The following CELSR1 variants were observed in gnomAD, a reference collection of about 807,000 sequenced individuals.
The protein encoded by CELSR1 is adhesion G protein-coupled receptor C1.
A neutral mutation model predicts 249.1 loss-of-function variants in CELSR1; 110 were observed. The observed-to-expected ratio is 0.44, with a 90% CI of 0.38 to 0.52. The LOEUF (loss-of-function observed/expected upper bound fraction) is 0.52. Ranked by LOEUF, CELSR1 falls within the 20% of genes least tolerant of loss-of-function variation. The probability of loss-of-function intolerance (pLI) is 0.00; values close to 1 mark genes in which losing one functional copy is unlikely to be tolerated. For missense variants in CELSR1, 4,109 were observed against 4,296.4 expected, an observed-to-expected ratio of 0.96 and a Z score of 1.22; for synonymous variants, 2,113 against 1,900.0, an observed-to-expected ratio of 1.11 and a Z score of -2.92.
At chr22:46,378,482 T>G in intron 23 of CELSR1, 109 bp downstream of exon 23, 1 of 1,254,672 alleles carries the variant, frequency 8.0e-7, no homozygotes, top group East Asian at 2.6e-5. Context: ...GGGGGCAGGC[T>G]CAGCAGGTTT....
rs774353456 is a variant in CELSR1, at chr22:46,399,810, C to G, written c.5319G>C (p.Glu1773Asp). 1.1e-5 allele frequency: 18 copies of G among 1,614,052 alleles called. No homozygotes were observed. The highest frequency in any genetic ancestry group is 1.4e-5 in the Non-Finnish European group (17 of 1,180,020). ...TCAGCTCGATCAGCAGGTGGTGCCACTCCCCGTCGGTCACCCGCAACCCGG... is the reference window on the plus strand; with the variant it reads ...TCAGCTCGATCAGCAGGTGGTGCCAGTCCCCGTCGGTCACCCGCAACCCGG... ...MLSGLRVTDG[E>D]WHHLLIELKN... Residue 1773 changes from glutamate (E) to aspartate (D), a missense_variant, in exon 10 of 35, where the codon GAG becomes GAC. Physicochemically the swap from Glu to Asp is conservative, Grantham distance 45. This residue lies in a region of CELSR1 where 1,805 missense variants were observed against 1,831.6 expected (regional missense o/e 0.99). Coordinates refer to ENST00000674500, the MANE Select transcript of CELSR1 (RefSeq NM_001378328.1). This position sits in a 1 kb window ranked among gnomAD's most constrained non-coding sequence, Gnocchi z 5.0.
In CELSR1 at chr22:46,398,669, G is replaced by T; in HGVS notation, c.5413-32C>A. Reference sequence around the variant, plus strand: ...GGAGAGAGGGGCCGGGGATCTGGGGGCTGCATCCACCATCCTAGAAACGTC... The same window carrying T: ...GGAGAGAGGGGCCGGGGATCTGGGGTCTGCATCCACCATCCTAGAAACGTC... On this transcript the variant is annotated intron_variant, in intron 10 of 34. Coordinates refer to ENST00000674500, the MANE Select transcript of CELSR1 (RefSeq NM_001378328.1). This position sits in a 1 kb window ranked among gnomAD's most constrained non-coding sequence, Gnocchi z 7.2. 6.5e-7 allele frequency: 1 copy of T among 1,545,310 alleles called. No individual in the cohort carries two copies. Among genetic ancestry groups the T allele is most frequent in the Non-Finnish European group, 8.8e-7 (1 of 1,132,042 alleles).
intron 23 of CELSR1, among the ~76,000 whole-genome samples, chr22:46,378,261 C>G (rs1029381722): frequency 5.9e-5 from 9 of 152,344 alleles, no homozygotes; most frequent in African/African-American, 1.7e-4. Context: ...AAGTGAGGGG[C>G]AGGTTCCGAG....
intron 1 of CELSR1, among the ~76,000 whole-genome samples, chr22:46,466,997 C>A (rs186636006): frequency 6.6e-6 from 1 of 152,196 alleles, no homozygotes; most frequent in African/African-American, 2.4e-5. Context: ...CCTGGCCGTG[C>A]TGCCTCCCTG....
Position 46,437,218 on chromosome 22 carries a change from C to A in CELSR1, c.4407-929G>T, listed in dbSNP as rs1487000048. Among the ~76,000 whole-genome samples the A allele has an allele frequency of 1.3e-5, 2 of 152,190 alleles. No homozygotes were observed. The highest frequency in any genetic ancestry group is 2.9e-5 in the Non-Finnish European group (2 of 68,020). On this transcript the variant is annotated intron_variant, in intron 3 of 34. Coordinates refer to ENST00000674500, the MANE Select transcript of CELSR1 (RefSeq NM_001378328.1). This position sits in a 1 kb window ranked among gnomAD's most constrained non-coding sequence, Gnocchi z 4.9. ...CAGAAATCCTTCTCCCACCCAGGGG[C>A]CCCGGGCAGGGGGTCTTCAGACCCA...
intron 1 of CELSR1, among the ~76,000 whole-genome samples, chr22:46,495,011 T>C (rs1157615121): frequency 6.6e-6 from 1 of 152,256 alleles, no homozygotes; most frequent in Non-Finnish European, 1.5e-5. Context: ...CGTTGTTAGA[T>C]GACTTCATCG....
chr22:46,531,628 T>C (rs564359769), intron 1 of CELSR1, among the ~76,000 whole-genome samples: 1 of 152,260 alleles, frequency 6.6e-6, no homozygotes, highest in South Asian at 2.1e-4. Flanking sequence ...CTGCGGATCG[T>C]GGTTTAACGC....
rs79285847 is a variant in CELSR1 at position 46,512,775 on chromosome 22, C to T, written c.3544+20852G>A. 0.058 allele frequency among the ~76,000 whole-genome samples: 8,845 copies of T among 152,202 alleles called. 860 individuals carry two copies. Among genetic ancestry groups the T allele is most frequent in the African/African-American group, 0.2 (8,424 of 41,484 alleles). On this transcript the variant is annotated intron_variant, in intron 1 of 34. Coordinates refer to ENST00000674500, the MANE Select transcript of CELSR1 (RefSeq NM_001378328.1). The surrounding 1 kb of genome is among the most constrained non-coding windows in gnomAD (Gnocchi z 5.2). ...TAGCGGGTTTCCGTTCCCTGCCATC[C>T]AGAGGAATTATTCAGACAAGCTACC...
intron 5 of CELSR1, among the ~76,000 whole-genome samples, chr22:46,421,840 G>A (rs912583651): frequency 1.3e-5 from 2 of 152,252 alleles, no homozygotes; most frequent in African/African-American, 4.8e-5. Flanking sequence ...GCTGGGGCTG[G>A]AGAAGCCAGG....
Position 46,365,294 on chromosome 22 carries a change from C to T in CELSR1, c.8491G>A (p.Asp2831Asn), listed in dbSNP as rs767369340. 88 of 1,612,838 alleles carry T rather than the reference C, an allele frequency of 5.5e-5. No homozygotes were observed. The highest frequency in any genetic ancestry group is 8.0e-5 in the African/African-American group (6 of 74,956). Residue 2831 changes from aspartate (D) to asparagine (N), a missense_variant, in exon 32 of 35, where the codon GAT becomes AAT. Around this residue, in one of 7 missense-constraint regions of CELSR1, gnomAD observed 1,805 missense variants for 1,831.6 expected, o/e 0.99. Coordinates refer to ENST00000674500, the MANE Select transcript of CELSR1 (RefSeq NM_001378328.1). The stretch of plus-strand genomic sequence containing the variant: ...CATTTTTCCTCAGCTCCCACCCCAT[C>T]GTCCTCGCTGTCTGACGAGTGTGAG... ...ASSHSSDSED[D>N]GVGAEEKWDP...
chr22:46,517,775 G>C lies in CELSR1; in HGVS notation c.3544+15852C>G, dbSNP rs188941411. ...GAAGCGAGGGCTGCATTGAAGAGGCGACTCCCATGGCTATGGCACTTGGCA... is the reference window on the plus strand; with the variant it reads ...GAAGCGAGGGCTGCATTGAAGAGGCCACTCCCATGGCTATGGCACTTGGCA... On this transcript the variant is annotated intron_variant, in intron 1 of 34. Transcript: ENST00000674500. The surrounding 1 kb of genome is among the most constrained non-coding windows in gnomAD (Gnocchi z 5.4). 6.6e-6 allele frequency among the ~76,000 whole-genome samples: 1 copy of C among 152,260 alleles called. No homozygotes were observed. The highest frequency in any genetic ancestry group is 2.4e-5 in the African/African-American group (1 of 41,536).
rs1472516052 is a variant in CELSR1 at position 46,380,585 on chromosome 22, C to G, written c.7256+203G>C. On this transcript the variant is annotated intron_variant, in intron 22 of 34. Coordinates refer to ENST00000674500, the MANE Select transcript of CELSR1 (RefSeq NM_001378328.1). This position sits in a 1 kb window ranked among gnomAD's most constrained non-coding sequence, Gnocchi z 5.1. ...TCTCCACGTGCAGGTCTGTGTGCAT[C>G]TGTGTGTGGACATCTAGGGGAGGAC... Among the ~76,000 whole-genome samples, 6 of 152,216 alleles carry G rather than the reference C, an allele frequency of 3.9e-5. No individual in the cohort carries two copies. The highest frequency in any genetic ancestry group is 1.3e-4 in the Admixed American group (2 of 15,290).
rs190493865 is a variant in CELSR1, at chr22:46,512,464, T to C, written c.3544+21163A>G. 1.1e-3 allele frequency among the ~76,000 whole-genome samples: 166 copies of C among 152,120 alleles called. 1 individual carries two copies. The highest frequency in any genetic ancestry group is 9.7e-4 in the East Asian group (5 of 5,150). On this transcript the variant is annotated intron_variant, in intron 1 of 34. Coordinates refer to ENST00000674500, the MANE Select transcript of CELSR1 (RefSeq NM_001378328.1). The surrounding 1 kb of genome is among the most constrained non-coding windows in gnomAD (Gnocchi z 5.2). Reference sequence around the variant, plus strand: ...GTGTACACCTATAATCCCAGCTACGTAGAAGGCTGAGGCACGAGAATTGCT... The same window carrying C: ...GTGTACACCTATAATCCCAGCTACGCAGAAGGCTGAGGCACGAGAATTGCT...
At chr22:46,532,399 G>T (rs185184360) in intron 1 of CELSR1, among the ~76,000 whole-genome samples, 6 of 152,170 alleles carry the variant, frequency 3.9e-5, no homozygotes, top group African/African-American at 1.4e-4. Context: ...AAAATTGTGC[G>T]GAAGGTTTGT....
chr22:46,421,474 C>T lies in CELSR1; in HGVS notation c.4612-9715G>A, dbSNP rs116759636. ...CCCAGGGTGGGGCGGCGCTTGCCTC[C>T]GAGAATCACCACGTTTCCATAGCAG... On this transcript the variant is annotated intron_variant, in intron 5 of 34. Transcript: ENST00000674500. 4.9e-3 allele frequency among the ~76,000 whole-genome samples: 750 copies of T among 152,292 alleles called. 7 individuals carry two copies. Among genetic ancestry groups the T allele is most frequent in the African/African-American group, 0.016 (679 of 41,554 alleles).
rs2078982404 is a variant in CELSR1, at chr22:46,381,953, C to A, written c.6981G>T (p.Arg2327Ser). 3 of 1,564,450 alleles carry A rather than the reference C, an allele frequency of 1.9e-6. No homozygotes were observed. The highest frequency in any genetic ancestry group is 2.6e-6 in the Non-Finnish European group (3 of 1,156,712). ...ACTGGCCAGCGTCATCAGGGTGTCG[C>A]CTCCGCCTGCTGATCGGGGCCTCCC... ...TEREAPISRR[R>S]RHPDDAGQFA... Residue 2327 changes from arginine to serine, a missense_variant, in exon 21 of 35, where the codon AGG becomes AGT. This residue lies in a region of CELSR1 where 1,805 missense variants were observed against 1,831.6 expected (regional missense o/e 0.99). Transcript: ENST00000674500. This position sits in a 1 kb window ranked among gnomAD's most constrained non-coding sequence, Gnocchi z 6.0.
At chr22:46,457,495 A>C (rs2079970250) in intron 2 of CELSR1, among the ~76,000 whole-genome samples, 1 of 152,186 alleles carries the variant, frequency 6.6e-6, no homozygotes, top group African/African-American at 2.4e-5. Flanking sequence ...AGGTGAGTGA[A>C]AGTGACTTGT....
Position 46,500,642 on chromosome 22 carries a change from C to A in CELSR1, c.3544+32985G>T, listed in dbSNP as rs746116542. ...GTTTTTTGATCTCTGGGGGAGTTTA[C>A]AACAATGACTCTGCAGGCCTTTTGT... On this transcript the variant is annotated intron_variant, in intron 1 of 34. Coordinates refer to ENST00000674500, the MANE Select transcript of CELSR1 (RefSeq NM_001378328.1). This position sits in a 1 kb window ranked among gnomAD's most constrained non-coding sequence, Gnocchi z 4.9. 1.3e-5 allele frequency among the ~76,000 whole-genome samples: 2 copies of A among 152,192 alleles called. No individual in the cohort carries two copies. Among genetic ancestry groups the A allele is most frequent in the Admixed American group, 6.5e-5 (1 of 15,288 alleles).
chr22:46,440,623 T>C lies in CELSR1; in HGVS notation c.4184-1212A>G, dbSNP rs764253418. ...TTTTATTGACAATTGACACTCTCTT[T>C]CCTAGAAGCTGCCTGAGTTTGTCTT... On this transcript the variant is annotated intron_variant, in intron 2 of 34. Coordinates refer to ENST00000674500, the MANE Select transcript of CELSR1 (RefSeq NM_001378328.1). The surrounding 1 kb of genome is among the most constrained non-coding windows in gnomAD (Gnocchi z 4.7). Among the ~76,000 whole-genome samples, 18 of 152,028 alleles carry C rather than the reference T, an allele frequency of 1.2e-4. No homozygotes were observed. The highest frequency in any genetic ancestry group is 5.2e-4 in the Admixed American group (8 of 15,286).
Sources: gnomAD v4.1 joint callset for allele counts (sites outside exome capture counted in the v4.1 genomes callset) on GRCh38, gnomAD v4.1.1 for gene constraint, gnomAD v4.1.1 regional missense constraint, Gnocchi (gnomAD v3.1) non-coding constraint, MANE v1.5 for transcripts, NCBI Gene and HGNC (gene_info 2026-07-23, HGNC 2026-07-21) for gene names.